PAK5: variants seen among roughly 807,000 people sequenced by gnomAD.
PAK5 encodes p21 (RAC1) activated kinase 5.
PAK5 carries 16 observed loss-of-function variants against 65.9 expected under a neutral mutation model. The ratio of observed to expected loss-of-function variants is 0.24; its 90% confidence interval spans 0.16 to 0.37. The LOEUF is 0.37. Ranked by LOEUF, PAK5 falls within the 10% of genes least tolerant of loss-of-function variation. PAK5 has a pLI of 1.00. For synonymous variants in PAK5, 371 were observed against 354.9 expected (o/e 1.05, Z -0.51); for missense variants, 785 against 903.9 (o/e 0.87, Z 1.69).
At chr20:9,668,665 A>G (rs1289673010) in intron 2 of PAK5, among the ~76,000 whole-genome samples, 1 of 152,226 alleles carries the variant, frequency 6.6e-6, no homozygotes, top group African/African-American at 2.4e-5. Context: ...TTGGAGTGGC[A>G]TGCTCAAACC....
rs546401043 is a variant in PAK5, at chr20:9,539,200, T to A, written c.*262A>T. 5.4e-6 allele frequency: 2 copies of A among 371,526 alleles called. No homozygotes were observed. Among genetic ancestry groups the A allele is most frequent in the South Asian group, 6.0e-5 (1 of 16,630 alleles). 23.0% of individuals were successfully genotyped at this position (371,526 alleles called of 1,614,324 possible). On this transcript the variant is annotated 3_prime_UTR_variant, in exon 10 of 10. Transcript: ENST00000353224. Reference sequence around the variant, plus strand: ...CGGAGTTTGTACTGAGTCCTTCTGATTTGCTGGATGAAGGGCTGAAAAATA... The same window carrying A: ...CGGAGTTTGTACTGAGTCCTTCTGAATTGCTGGATGAAGGGCTGAAAAATA...
Position 9,538,502 on chromosome 20 carries a change from C to T in PAK5, c.*960G>A, listed in dbSNP as rs1235597892. On this transcript the variant is annotated 3_prime_UTR_variant, in exon 10 of 10. Transcript: ENST00000353224. ...ATTCTCATGGTCTCACTGAAACATTCTATTTTGGGAACTGAATCCAATGAT... is the reference window on the plus strand; with the variant it reads ...ATTCTCATGGTCTCACTGAAACATTTTATTTTGGGAACTGAATCCAATGAT... 4.3e-6 allele frequency: 1 copy of T among 233,278 alleles called. No homozygotes were observed. The highest frequency in any genetic ancestry group is 2.2e-5 in the African/African-American group (1 of 45,324). 14.5% of individuals were successfully genotyped at this position (233,278 alleles called of 1,614,324 possible). A position where few individuals can be genotyped will look rare whatever the true frequency, so the allele number is the denominator to read the frequency against.
rs144426373 is a variant in PAK5 at position 9,636,323 on chromosome 20, C to G, written c.204+7802G>C. Among the ~76,000 whole-genome samples, 696 of 152,214 alleles carry G rather than the reference C, an allele frequency of 4.6e-3. 5 individuals are homozygous for G. The highest frequency in any genetic ancestry group is 0.016 in the African/African-American group (667 of 41,550). ...GATTCAATTTTGGATGAGCTTTCAA[C>G]ATAAACTACGATGGGAGAGAAAATA... is the stretch of plus-strand genomic sequence containing the variant. On this transcript the variant is annotated intron_variant, in intron 3 of 9. Coordinates refer to ENST00000353224, the MANE Select transcript of PAK5 (RefSeq NM_177990.4).
intron 3 of PAK5, among the ~76,000 whole-genome samples, chr20:9,583,278 A>G (rs918141878): frequency 1.3e-4 from 20 of 152,244 alleles, no homozygotes; most frequent in African/African-American, 4.6e-4. Context: ...CATTCTTGCC[A>G]TTTCCTTACC....
intron 5 of PAK5, 128 bp downstream of exon 5, chr20:9,565,765 G>A: frequency 1.1e-6 from 1 of 917,104 alleles, no homozygotes. Flanking sequence ...AATATTACAG[G>A]GGACGCTATT....
At chr20:9,601,615 G>A (rs777799507) in intron 3 of PAK5, among the ~76,000 whole-genome samples, 8 of 152,102 alleles carry the variant, frequency 5.3e-5, no homozygotes, top group Non-Finnish European at 7.3e-5. Context: ...ATATCTCACC[G>A]TCTGCATGTG....
chr20:9,680,630 A>G (rs1433706664), intron 2 of PAK5, among the ~76,000 whole-genome samples: 1 of 152,198 alleles, frequency 6.6e-6, no homozygotes, highest in Non-Finnish European at 1.5e-5. Context: ...TGAAGTGTGC[A>G]TGGCCCTGAG....
chr20:9,747,906 G>T (rs1449594068), intron 1 of PAK5, among the ~76,000 whole-genome samples: 1 of 151,840 alleles, frequency 6.6e-6, no homozygotes, highest in African/African-American at 2.4e-5. Flanking sequence ...GTCCCTGTTT[G>T]CAGATGACAT....
intron 1 of PAK5, among the ~76,000 whole-genome samples, chr20:9,773,977 TTA>T (rs2048861005): frequency 1.3e-5 from 2 of 152,274 alleles, no homozygotes; most frequent in African/African-American, 4.8e-5. Context: ...TGAGGGAAAC[TTA>T]TGTTTCAAAA....
At chr20:9,592,905 A>G (rs1044831953) in intron 3 of PAK5, among the ~76,000 whole-genome samples, 8 of 152,274 alleles carry the variant, frequency 5.3e-5, no homozygotes, top group African/African-American at 1.9e-4. Flanking sequence ...AGAGGGGAAG[A>G]AAATCCCATC....
intron 3 of PAK5, among the ~76,000 whole-genome samples, chr20:9,623,505 T>A (rs992267027): frequency 3.9e-5 from 6 of 152,182 alleles, no homozygotes; most frequent in African/African-American, 1.4e-4. Flanking sequence ...ATGTACCAAA[T>A]TATTGTACCA....
chr20:9,803,192 A>G (rs981001478), intron 1 of PAK5, among the ~76,000 whole-genome samples: 6 of 152,050 alleles, frequency 3.9e-5, no homozygotes, highest in Non-Finnish European at 8.8e-5. Context: ...GTGTTATGAA[A>G]GCAAACACTG....
At chr20:9,585,124 T>C (rs898090146) in intron 3 of PAK5, among the ~76,000 whole-genome samples, 4 of 152,240 alleles carry the variant, frequency 2.6e-5, no homozygotes, top group Non-Finnish European at 5.9e-5. Flanking sequence ...TTTAGCTCTA[T>C]ATCCTAGAAA....
chr20:9,758,253 T>C (rs2048658351), intron 1 of PAK5, among the ~76,000 whole-genome samples: 1 of 152,190 alleles, frequency 6.6e-6, no homozygotes, highest in Admixed American at 6.5e-5. Flanking sequence ...CTTTCTAGCC[T>C]TATGCTTTGT....
Position 9,580,539 on chromosome 20 carries a change from T to C in PAK5, c.596A>G (p.Tyr199Cys). Residue 199 changes from tyrosine (Y) to cysteine (C), a missense_variant, in exon 4 of 10, where the codon TAT becomes TGT. By Grantham distance (194) the Tyr-to-Cys change is radical. This residue lies in a region of PAK5 where 422 missense variants were observed against 413.3 expected (regional missense o/e 1.02). Coordinates refer to ENST00000353224, the MANE Select transcript of PAK5 (RefSeq NM_177990.4). Reference sequence around the variant, plus strand: ...GCTCAGTGAGTCCAAATGTGAGTGATAATCGGCAGAAAATCTGGCAAAATC... The same window carrying C: ...GCTCAGTGAGTCCAAATGTGAGTGACAATCGGCAGAAAATCTGGCAAAATC... ...KSDFARFSAD[Y>C]HSHLDSLSKP... is the part of the protein sequence containing the mutation. 1.2e-6 allele frequency: 2 copies of C among 1,614,134 alleles called. No individual in the cohort carries two copies. The highest frequency in any genetic ancestry group is 2.2e-5 in the East Asian group (1 of 44,880).
intron 1 of PAK5, among the ~76,000 whole-genome samples, chr20:9,820,484 G>T (rs1424758457): frequency 6.6e-6 from 1 of 152,120 alleles, no homozygotes; most frequent in Non-Finnish European, 1.5e-5. Flanking sequence ...CCATGGGGCT[G>T]CTATTTGGAT....
chr20:9,702,074 C>G (rs1156443723), intron 2 of PAK5, among the ~76,000 whole-genome samples: 1 of 152,264 alleles, frequency 6.6e-6, no homozygotes, highest in East Asian at 1.9e-4. Context: ...CTTCCCTCCA[C>G]CTTTGCCCTC....
chr20:9,810,706 C>G (rs1372795680), intron 1 of PAK5, among the ~76,000 whole-genome samples: 1 of 152,108 alleles, frequency 6.6e-6, no homozygotes, highest in African/African-American at 2.4e-5. Flanking sequence ...CTAAAATGTA[C>G]CCTCTCTGCT....
At chr20:9,786,585 T>C (rs951662595) in intron 1 of PAK5, among the ~76,000 whole-genome samples, 3 of 152,090 alleles carry the variant, frequency 2.0e-5, no homozygotes, top group Admixed American at 1.3e-4. Flanking sequence ...TTTGATAAAG[T>C]GAACACATCA....
Sources: allele counts gnomAD v4.1 joint callset (sites outside exome capture counted in the v4.1 genomes callset), GRCh38; gene constraint gnomAD v4.1.1; regional missense constraint gnomAD v4.1.1; transcripts MANE v1.5; gene names NCBI Gene and HGNC (gene_info 2026-07-23, HGNC 2026-07-21).